CTNNBL1: variants seen among roughly 807,000 people sequenced by gnomAD.
CTNNBL1 encodes catenin beta like 1.
Under a neutral mutation model 72.7 loss-of-function variants are expected in CTNNBL1, and 31 were observed. The observed-to-expected ratio is 0.43, with a 90% confidence interval of 0.32 to 0.58. The LOEUF (loss-of-function observed/expected upper bound fraction) is 0.58, where lower values mean the gene tolerates loss of function less well. CTNNBL1 is among the 20% of genes least tolerant of loss of function. The pLI is 0.08. For synonymous variants in CTNNBL1, 240 were observed against 267.3 expected (o/e 0.90, Z 1.00); for missense variants, 534 against 725.1 (o/e 0.74, Z 3.03).
At chr20:37,861,121 C>G (rs568372291) in intron 15 of CTNNBL1, among the ~76,000 whole-genome samples, 75 of 152,308 alleles carry the variant, frequency 4.9e-4, no homozygotes, top group African/African-American at 1.6e-3. Context: ...CCTCCTCTAG[C>G]TGCTAGCCTG....
intron 11 of CTNNBL1, chr20:37,832,416 G>A (rs1432830466): frequency 1.3e-5 from 2 of 152,178 alleles, no homozygotes; most frequent in Admixed American, 1.3e-4. Context: ...TGTCTGTTGA[G>A]TGCCTACTAT....
intron 5 of CTNNBL1, 37 bp from the exon 6 acceptor site, chr20:37,765,160 G>T: frequency 7.0e-7 from 1 of 1,418,480 alleles, no homozygotes; most frequent in South Asian, 1.2e-5. Context: ...ACCATTTTAT[G>T]ACATCCCTCT....
chr20:37,694,697 G>A (rs1472080769), intron 1 of CTNNBL1, among the ~76,000 whole-genome samples: 1 of 152,250 alleles, frequency 6.6e-6, no homozygotes, highest in Admixed American at 6.5e-5. Context: ...GTGGAAAGCT[G>A]TGCTTGTGTT....
At chr20:37,820,687 A>G (rs1600508672) in intron 11 of CTNNBL1, among the ~76,000 whole-genome samples, 1 of 152,228 alleles carries the variant, frequency 6.6e-6, no homozygotes, top group East Asian at 1.9e-4. Flanking sequence ...CTCTCCTGCC[A>G]CCTTGTGAAG....
At chr20:37,843,381 G>GACC (rs1177966871) in intron 13 of CTNNBL1, among the ~76,000 whole-genome samples, 13 of 152,120 alleles carry the variant, frequency 8.5e-5, no homozygotes, top group Non-Finnish European at 1.5e-4. Flanking sequence ...CCCGTGTTGG[G>GACC]ATCATCCAGC....
At chr20:37,716,821 T>G (rs1203485831) in intron 1 of CTNNBL1, among the ~76,000 whole-genome samples, 1 of 152,234 alleles carries the variant, frequency 6.6e-6, no homozygotes, top group Non-Finnish European at 1.5e-5. Context: ...TTTAACAAGA[T>G]ACTCAAGGGA....
At chr20:37,765,746 C>T (rs1250232374) in intron 6 of CTNNBL1, among the ~76,000 whole-genome samples, 3 of 152,162 alleles carry the variant, frequency 2.0e-5, no homozygotes, top group Admixed American at 6.5e-5. Flanking sequence ...TCTCTCTCTT[C>T]TTAGGTGTAG....
chr20:37,833,760 A>C (rs2072231945), intron 11 of CTNNBL1, among the ~76,000 whole-genome samples: 1 of 151,990 alleles, frequency 6.6e-6, no homozygotes, highest in Non-Finnish European at 1.5e-5. Context: ...CAGCAGATAA[A>C]CCTGTTATCT....
chr20:37,774,192 G>A (rs930933975), intron 7 of CTNNBL1, among the ~76,000 whole-genome samples: 1 of 152,074 alleles, frequency 6.6e-6, no homozygotes, highest in Non-Finnish European at 1.5e-5. Flanking sequence ...GGGAGTACAG[G>A]TGTGAGCCAC....
intron 11 of CTNNBL1, among the ~76,000 whole-genome samples, chr20:37,808,865 T>C (rs2071983535): frequency 6.6e-6 from 1 of 152,014 alleles, no homozygotes; most frequent in African/African-American, 2.4e-5. Flanking sequence ...CTGTCATCTT[T>C]TCTGCTTGGT....
intron 11 of CTNNBL1, among the ~76,000 whole-genome samples, chr20:37,809,943 A>G (rs887486159): frequency 1.3e-5 from 2 of 152,208 alleles, no homozygotes; most frequent in Admixed American, 6.5e-5. Flanking sequence ...ATTATGAAAG[A>G]GTGTTGTTAA....
At chr20:37,738,534 TC>T (rs1365336433) in intron 3 of CTNNBL1, among the ~76,000 whole-genome samples, 2 of 152,148 alleles carry the variant, frequency 1.3e-5, no homozygotes, top group African/African-American at 4.8e-5. Flanking sequence ...CCTATCTTTG[TC>T]CCTCCCAGGA....
chr20:37,761,945 C>T (rs888207492), intron 5 of CTNNBL1, among the ~76,000 whole-genome samples: 2 of 152,172 alleles, frequency 1.3e-5, no homozygotes, highest in South Asian at 2.1e-4. Context: ...GCAGCTGGGG[C>T]GAGGGGAGAA....
intron 11 of CTNNBL1, among the ~76,000 whole-genome samples, chr20:37,836,596 C>T (rs1178502111): frequency 6.6e-6 from 1 of 152,168 alleles, no homozygotes; most frequent in African/African-American, 2.4e-5. Context: ...CTGTTTGCCT[C>T]CCTCAGTAAT....
At chr20:37,804,540 G>C (rs2071935733) in intron 11 of CTNNBL1, among the ~76,000 whole-genome samples, 1 of 152,176 alleles carries the variant, frequency 6.6e-6, no homozygotes, top group Admixed American at 6.5e-5. Flanking sequence ...GTAAGATGAG[G>C]GAAGTGGACT....
At position 37,828,280 on chromosome 20, in the gene CTNNBL1, A is replaced by G. The variant is rs561712869; in HGVS notation, c.1214-11822A>G. On this transcript the variant is annotated intron_variant, in intron 11 of 15. Transcript: ENST00000361383. ...CAGTAAGCTCTCACATGTGTTGCAGAGAACGAGAGCTCATCTCCGCACATC... is the reference window on the plus strand; with the variant it reads ...CAGTAAGCTCTCACATGTGTTGCAGGGAACGAGAGCTCATCTCCGCACATC... 5.9e-5 allele frequency among the ~76,000 whole-genome samples: 9 copies of G among 152,356 alleles called. No individual in the cohort carries two copies. In the South Asian group the frequency reaches 1.7e-3, roughly 28 times the overall value.
intron 3 of CTNNBL1, among the ~76,000 whole-genome samples, chr20:37,739,990 C>T (rs889358155): frequency 2.6e-5 from 4 of 152,194 alleles, no homozygotes; most frequent in Admixed American, 6.5e-5. Context: ...GGTAGATACA[C>T]GTCTCTCAAT....
At chr20:37,694,191 C>T in intron 1 of CTNNBL1, 39 bp downstream of exon 1, 1 of 1,560,480 alleles carries the variant, frequency 6.4e-7, no homozygotes, top group South Asian at 1.2e-5. Context: ...CGCGTTCTCA[C>T]CTGGGCAGGG....
chr20:37,819,324 T>C (rs6013147), intron 11 of CTNNBL1, among the ~76,000 whole-genome samples: 4 of 152,352 alleles, frequency 2.6e-5, no homozygotes, highest in African/African-American at 9.6e-5. Flanking sequence ...TTATCAAGAC[T>C]TAGGTTATTC....
Sources: gnomAD v4.1 joint callset for allele counts (sites outside exome capture counted in the v4.1 genomes callset) on GRCh38, gnomAD v4.1.1 for gene constraint, MANE v1.5 for transcripts, NCBI Gene and HGNC (gene_info 2026-07-23, HGNC 2026-07-21) for gene names.